Variants in LPCAT4 observed in about 807,000 individuals in gnomAD.
LPCAT4 encodes the protein lysophosphatidylcholine acyltransferase 4.
In LPCAT4, 30 loss-of-function variants were observed where a neutral mutation model predicts 66.5. The ratio of observed to expected loss-of-function variants is 0.45; its 90% CI spans 0.34 to 0.61. The LOEUF (loss-of-function observed/expected upper bound fraction) is 0.61. Ranked by LOEUF, LPCAT4 falls within the 20% of genes least tolerant of loss-of-function variation. The pLI, the probability that LPCAT4 is intolerant of heterozygous loss-of-function variation, is 0.01. For missense variants in LPCAT4, 557 were observed against 656.7 expected (o/e 0.85, Z 1.66); for synonymous variants, 253 against 262.1 (o/e 0.97, Z 0.34).
intron 2 of LPCAT4, 67 bp downstream of exon 2, chr15:34,365,492 C>G: frequency 1.9e-6 from 3 of 1,597,726 alleles, no homozygotes; most frequent in Non-Finnish European, 1.7e-6. Context: ...TTCTTCTTCT[C>G]AAAGAGGGAG....
chr15:34,365,822 G>A (rs1442974946), intron 1 of LPCAT4, 121 bp from the exon 2 acceptor site: 3 of 1,232,030 alleles, frequency 2.4e-6, no homozygotes, highest in African/African-American at 1.5e-5. Context: ...GTGACAGGTG[G>A]TGTGGGAACA....
chr15:34,366,860 C>A, intron 1 of LPCAT4, 127 bp downstream of exon 1: 1 of 1,440,116 alleles, frequency 6.9e-7, no homozygotes, highest in Non-Finnish European at 9.4e-7. Flanking sequence ...CACCCCCGGA[C>A]TCCCGCTCCG....
rs1036656227 is a variant in LPCAT4, at chr15:34,360,330, C to T, written c.1144-121G>A. On this transcript the variant is annotated intron_variant, in intron 11 of 13. Transcript: ENST00000314891. ...GGGTGATCCCTGTGACTGCTCCCCT[C>T]AGAACTGTGAGCTCCAAACTCTTTA... 3 of 725,422 alleles carry T rather than the reference C, an allele frequency of 4.1e-6. No individual in the cohort carries two copies. In the African/African-American group the frequency reaches 5.3e-5, roughly 13 times the overall value. The allele number at this position is 725,422 out of a possible 1,614,324, so 44.9% of individuals were successfully genotyped here.
chr15:34,365,858 G>T, intron 1 of LPCAT4, 157 bp from the exon 2 acceptor site: 1 of 785,214 alleles, frequency 1.3e-6, no homozygotes. Context: ...ACCCAAGGTG[G>T]GATGAAGATA....
chr15:34,359,528 C>G, intron 13 of LPCAT4, 61 bp downstream of exon 13: 2 of 1,577,516 alleles, frequency 1.3e-6, no homozygotes, highest in Non-Finnish European at 1.7e-6. Context: ...CAGCCCAGTG[C>G]TTTCCTGGAT....
At position 34,363,452 on chromosome 15, in the gene LPCAT4, G is replaced by A. The variant is rs756316718; in HGVS notation, c.716C>T (p.Thr239Ile). The stretch of plus-strand genomic sequence containing the variant: ...AGGACCCCTCCATGCCCAGCTGGTG[G>A]TGTCCTATGGGAGAAACACAGGTGA... ...VLIRYPNSLD[T>I]TSWAWRGPGV... The change falls in exon 7 of 14, where the codon ACC becomes ATC. Residue 239 changes from threonine (T) to isoleucine (I), a missense_variant. Physicochemically the swap from Thr to Ile is moderately conservative, Grantham distance 89. Transcript: ENST00000314891. The surrounding 1 kb of genome is among the most constrained non-coding windows in gnomAD (Gnocchi z 4.3). The A allele has an allele frequency of 5.0e-6, 8 of 1,614,102 alleles. No homozygotes were observed. Among genetic ancestry groups the A allele is most frequent in the Non-Finnish European group, 6.8e-6 (8 of 1,180,010 alleles).
In LPCAT4 at chr15:34,365,239, A is replaced by T. The variant is rs561611160; in HGVS notation, c.258-11T>A. 4 of 1,594,918 alleles carry T rather than the reference A, an allele frequency of 2.5e-6. No individual in the cohort carries two copies. Among genetic ancestry groups the T allele is most frequent in the African/African-American group, 1.3e-5 (1 of 74,936 alleles). ...TTGTGGCACACAGTCCTGCCAGGGC[A>T]AGGCTGGGTATCAGCGGAAGCAGTG... On this transcript the variant is annotated splice_polypyrimidine_tract_variant and intron_variant, in intron 2 of 13. Transcript: ENST00000314891.
chr15:34,365,923 T>C (rs778688590), intron 1 of LPCAT4: 18 of 541,406 alleles, frequency 3.3e-5, no homozygotes, highest in Admixed American at 9.5e-5. Context: ...TATTTTCCTG[T>C]CTTTCAGTTG....
In LPCAT4 at chr15:34,358,748, C is replaced by G. The variant is rs947408661; in HGVS notation, c.*379G>C. ...TGACAGCAGGAGGGAGGATATGGAA[C>G]CTCAGTATGATTTCTGTGCAGGAAA... On this transcript the variant is annotated 3_prime_UTR_variant, in exon 14 of 14. Coordinates refer to ENST00000314891, the MANE Select transcript of LPCAT4 (RefSeq NM_153613.3). 6.5e-6 allele frequency: 1 copy of G among 153,900 alleles called. No homozygotes were observed. The highest frequency in any genetic ancestry group is 1.4e-5 in the Non-Finnish European group (1 of 69,174). 9.5% of individuals were successfully genotyped at this position (153,900 alleles called of 1,614,324 possible). A position where few individuals can be genotyped will look rare whatever the true frequency, so the allele number is the denominator to read the frequency against.
chr15:34,364,411 C>CTT (rs60508631), intron 3 of LPCAT4, 105 bp from the exon 4 acceptor site: 12,310 of 554,162 alleles, frequency 0.022, 272 homozygotes, highest in African/African-American at 0.11. Context: ...TCTGTTATCT[C>CTT]TTTTTTTTTT....
At position 34,359,004 on chromosome 15, in the gene LPCAT4, C is replaced by A. The variant is rs966883388; in HGVS notation, c.*123G>T. 1.1e-5 allele frequency: 8 copies of A among 738,782 alleles called. No individual in the cohort carries two copies. In the Admixed American group the frequency reaches 2.7e-4, roughly 25 times the overall value. The allele number at this position is 738,782 out of a possible 1,614,324, so 45.8% of individuals were successfully genotyped here. ...AATCAACCAAACAAAAAATTAAAAT[C>A]AACTTAAAAAAACAACAACCAAACA... On this transcript the variant is annotated 3_prime_UTR_variant, in exon 14 of 14. Coordinates refer to ENST00000314891, the MANE Select transcript of LPCAT4 (RefSeq NM_153613.3).
chr15:34,364,966 A>G lies in LPCAT4; in HGVS notation c.478+42T>C, dbSNP rs773099815. On this transcript the variant is annotated intron_variant, in intron 3 of 13. Transcript: ENST00000314891. ...TCTCCATTCCTGACTTTTTTTGCCC[A>G]GAGTTGTCACCCTGCCCTTCACCCC... is the stretch of plus-strand genomic sequence containing the variant. 1.7e-5 allele frequency: 26 copies of G among 1,542,812 alleles called. No individual in the cohort carries two copies. The African/African-American group carries it at 1.9e-4, about 11-fold the overall frequency.
chr15:34,364,420 T>C, intron 3 of LPCAT4, 114 bp from the exon 4 acceptor site: 2 of 622,842 alleles, frequency 3.2e-6, no homozygotes, highest in Non-Finnish European at 5.5e-6. Flanking sequence ...TCTTTTTTTT[T>C]TTTTTCTGTT....
At chr15:34,366,786 A>T in intron 1 of LPCAT4, 2 of 635,892 alleles carry the variant, frequency 3.1e-6, no homozygotes, top group Middle Eastern at 3.9e-4. Context: ...GAGCTTGTCT[A>T]TCGCCCAAGC....
intron 12 of LPCAT4, 67 bp from the exon 13 acceptor site, chr15:34,359,812 C>G (rs1226179704): frequency 6.7e-7 from 1 of 1,502,172 alleles, no homozygotes; most frequent in African/African-American, 1.4e-5. Flanking sequence ...GCCCCACAGA[C>G]TGGCCTGACA....
Position 34,359,308 on chromosome 15 carries a change from C to A in LPCAT4, c.1400-6G>T. On this transcript the variant is annotated splice_region_variant and splice_polypyrimidine_tract_variant and intron_variant, in intron 13 of 13. Coordinates refer to ENST00000314891, the MANE Select transcript of LPCAT4 (RefSeq NM_153613.3). Reference sequence around the variant, plus strand: ...GGAGAAGTTCTGGAACTGACCTGGACAAATAAGAGATGGGGAAAAGTGAAA... The same window carrying A: ...GGAGAAGTTCTGGAACTGACCTGGAAAAATAAGAGATGGGGAAAAGTGAAA... 1 of 1,489,582 alleles carries A rather than the reference C, an allele frequency of 6.7e-7. No homozygotes were observed. Among genetic ancestry groups the A allele is most frequent in the Non-Finnish European group, 8.9e-7 (1 of 1,121,044 alleles). The allele number at this position is 1,489,582 out of a possible 1,614,324, so 92.3% of individuals were successfully genotyped here.
chr15:34,367,168 T>TGCTGCAGCAGCGGCG lies in LPCAT4; in HGVS notation c.-83_-69dup. The TGCTGCAGCAGCGGCG allele has an allele frequency of 3.8e-6, 5 of 1,312,146 alleles. No individual in the cohort carries two copies. Among genetic ancestry groups the TGCTGCAGCAGCGGCG allele is most frequent in the Non-Finnish European group, 3.9e-6 (4 of 1,017,920 alleles). 81.3% of individuals were successfully genotyped at this position (1,312,146 alleles called of 1,614,324 possible). A position where few individuals can be genotyped will look rare whatever the true frequency, so the allele number is the denominator to read the frequency against. On this transcript the variant is annotated 5_prime_UTR_variant, in exon 1 of 14. Coordinates refer to ENST00000314891, the MANE Select transcript of LPCAT4 (RefSeq NM_153613.3). ...GGCCACCACTCTGCAGAGCAGCTGC[T>TGCTGCAGCAGCGGCG]GCTGCAGCAGCGGCGGCGGCGGCGC...
Position 34,361,413 on chromosome 15 carries a change from C to T in LPCAT4, c.1130G>A (p.Gly377Asp). 2 of 1,614,158 alleles carry T rather than the reference C, an allele frequency of 1.2e-6. No homozygotes were observed. The highest frequency in any genetic ancestry group is 1.7e-6 in the Non-Finnish European group (2 of 1,180,036). The part of the protein sequence containing the change: ...SDPQTVAGAF[G>D]YFQQDTKGLV... ...CAGCTCCTTTACCTGCTGGAAGTAGCCAAAGGCACCAGCCACCGTCTGAGG... is the reference window on the plus strand; with the variant it reads ...CAGCTCCTTTACCTGCTGGAAGTAGTCAAAGGCACCAGCCACCGTCTGAGG... Residue 377 changes from glycine (G) to aspartate (D), a missense_variant, in exon 11 of 14, where the codon GGC becomes GAC. Physicochemically the swap from Gly to Asp is moderately conservative, Grantham distance 94. This residue lies in a region of LPCAT4 where 392 missense variants were observed against 473.9 expected (regional missense o/e 0.83). Coordinates refer to ENST00000314891, the MANE Select transcript of LPCAT4 (RefSeq NM_153613.3).
In LPCAT4 at chr15:34,363,319, A is replaced by G; in HGVS notation, c.746+103T>C. 9 of 1,255,492 alleles carry G rather than the reference A, an allele frequency of 7.2e-6. No homozygotes were observed. The South Asian group carries it at 9.5e-5, about 13-fold the overall frequency. The allele number at this position is 1,255,492 out of a possible 1,614,324, so 77.8% of individuals were successfully genotyped here. On this transcript the variant is annotated intron_variant, in intron 7 of 13. Coordinates refer to ENST00000314891, the MANE Select transcript of LPCAT4 (RefSeq NM_153613.3). This position sits in a 1 kb window ranked among gnomAD's most constrained non-coding sequence, Gnocchi z 4.3. ...CCTCTAGAGTTCTCTCAGTCCTCAG[A>G]TGAAGAAGGGCCATTCACCTTGTCG...
Sources: gnomAD v4.1 joint callset for allele counts on GRCh38, gnomAD v4.1.1 for gene constraint, gnomAD v4.1.1 regional missense constraint, Gnocchi (gnomAD v3.1) non-coding constraint, MANE v1.5 for transcripts, NCBI Gene and HGNC (gene_info 2026-07-23, HGNC 2026-07-21) for gene names.